Variants in LRRTM4 observed in about 807,000 individuals in gnomAD.
LRRTM4 encodes leucine-rich repeat transmembrane neuronal protein 4.
A neutral mutation model predicts 47.6 loss-of-function variants in LRRTM4; 25 were observed. The observed-to-expected ratio is 0.53, with a 90% CI of 0.38 to 0.73. LRRTM4 has a LOEUF of 0.73. Ranked by LOEUF, LRRTM4 falls within the 30% of genes least tolerant of loss-of-function variation. The pLI is 0.00. For missense variants in LRRTM4, 638 were observed against 713.4 expected, an observed-to-expected ratio of 0.89 and a Z score of 1.20; for synonymous variants, 311 against 269.5, an observed-to-expected ratio of 1.15 and a Z score of -1.51.
At chr2:76,768,946 A>C (rs1481197029) in intron 3 of LRRTM4, among the ~76,000 whole-genome samples, 1 of 152,098 alleles carries the variant, frequency 6.6e-6, no homozygotes, top group African/African-American at 2.4e-5. Flanking sequence ...GACACAAAGA[A>C]ATGTCTTTTC....
intron 3 of LRRTM4, among the ~76,000 whole-genome samples, chr2:77,105,778 T>A (rs1036395639): frequency 2.0e-5 from 3 of 152,174 alleles, no homozygotes; most frequent in Non-Finnish European, 4.4e-5. Flanking sequence ...ATAGATGAAA[T>A]AAGTTTGCCT....
intron 3 of LRRTM4, among the ~76,000 whole-genome samples, chr2:77,082,449 A>G (rs1487207319): frequency 6.6e-6 from 1 of 152,134 alleles, no homozygotes; most frequent in Non-Finnish European, 1.5e-5. Context: ...TAAATTTAGA[A>G]ACAACGTTTA....
intron 3 of LRRTM4, among the ~76,000 whole-genome samples, chr2:77,240,838 T>C (rs1449218085): frequency 6.6e-6 from 1 of 151,880 alleles, no homozygotes; most frequent in East Asian, 1.9e-4. Context: ...CCATTAATTA[T>C]TAAGGTAACA....
chr2:77,433,119 G>C (rs1475686506), intron 3 of LRRTM4, among the ~76,000 whole-genome samples: 1 of 152,154 alleles, frequency 6.6e-6, no homozygotes, highest in Non-Finnish European at 1.5e-5. Flanking sequence ...TTAGTTTTAA[G>C]AAATAGTACA....
intron 3 of LRRTM4, among the ~76,000 whole-genome samples, chr2:76,808,577 T>A (rs1454493326): frequency 6.6e-6 from 1 of 152,204 alleles, no homozygotes; most frequent in Non-Finnish European, 1.5e-5. Flanking sequence ...TAATTTATCC[T>A]ATTTTCAAAT....
At chr2:76,961,675 G>A (rs1172449875) in intron 3 of LRRTM4, among the ~76,000 whole-genome samples, 2 of 151,320 alleles carry the variant, frequency 1.3e-5, no homozygotes, top group Middle Eastern at 3.4e-3. Context: ...TTACATTAGG[G>A]CGTCACTTCA....
intron 3 of LRRTM4, among the ~76,000 whole-genome samples, chr2:77,451,475 G>A (rs1439376885): frequency 6.6e-6 from 1 of 152,156 alleles, no homozygotes; most frequent in African/African-American, 2.4e-5. Context: ...TAAATTAGAT[G>A]TGGTACACTT....
intron 3 of LRRTM4, among the ~76,000 whole-genome samples, chr2:76,861,211 A>T (rs567003996): frequency 6.6e-6 from 1 of 152,138 alleles, no homozygotes; most frequent in African/African-American, 2.4e-5. Context: ...TAATAATCCA[A>T]TGTTTTGATC....
intron 3 of LRRTM4, among the ~76,000 whole-genome samples, chr2:76,876,396 C>T (rs902305392): frequency 2.0e-5 from 3 of 152,010 alleles, no homozygotes; most frequent in Non-Finnish European, 4.4e-5. Flanking sequence ...AGTTTTAAAA[C>T]CTGGCAAATG....
At chr2:77,070,986 A>C (rs1680136424) in intron 3 of LRRTM4, among the ~76,000 whole-genome samples, 1 of 152,186 alleles carries the variant, frequency 6.6e-6, no homozygotes, top group African/African-American at 2.4e-5. Flanking sequence ...TGACATTTGA[A>C]TCCCAAGTTA....
chr2:77,013,507 A>T (rs63272962), intron 3 of LRRTM4, among the ~76,000 whole-genome samples: 12 of 33,652 alleles, frequency 3.6e-4, no homozygotes, highest in East Asian at 2.0e-3. Flanking sequence ...AAACACTGTT[A>T]AAAAAAAAAA....
intron 3 of LRRTM4, among the ~76,000 whole-genome samples, chr2:77,474,566 T>A (rs568118762): frequency 6.6e-6 from 1 of 152,074 alleles, no homozygotes; most frequent in South Asian, 2.1e-4. Flanking sequence ...TAAATTAAGA[T>A]AATAGATTGG....
At chr2:77,290,830 C>T (rs1294568636) in intron 3 of LRRTM4, among the ~76,000 whole-genome samples, 2 of 152,010 alleles carry the variant, frequency 1.3e-5, no homozygotes, top group African/African-American at 4.8e-5. Context: ...AATTTTCCAG[C>T]CATACATGAT....
chr2:77,306,897 A>ATATTTTTTTTTTTT (rs1677288566), intron 3 of LRRTM4, among the ~76,000 whole-genome samples: 3 of 112,412 alleles, frequency 2.7e-5, no homozygotes, highest in African/African-American at 1.3e-4. Flanking sequence ...GCTTTTCCAT[A>ATATTTTTTTTTTTT]TTTTTTTTTT....
chr2:76,890,709 C>G (rs1558717225), intron 3 of LRRTM4, among the ~76,000 whole-genome samples: 2 of 151,872 alleles, frequency 1.3e-5, no homozygotes, highest in East Asian at 3.9e-4. Flanking sequence ...GTATACATAT[C>G]AACAAAAAAT....
intron 3 of LRRTM4, among the ~76,000 whole-genome samples, chr2:77,352,707 A>G (rs1671830456): frequency 6.6e-6 from 1 of 152,104 alleles, no homozygotes; most frequent in East Asian, 1.9e-4. Flanking sequence ...TTTTTTTGCA[A>G]CCTGGCTTGC....
chr2:77,058,341 G>T (rs377200169), intron 3 of LRRTM4, among the ~76,000 whole-genome samples: 2 of 152,124 alleles, frequency 1.3e-5, no homozygotes, highest in Admixed American at 1.3e-4. Context: ...AACAGCTAGA[G>T]CTACCGACCA....
At chr2:77,206,082 C>A (rs573444421) in intron 3 of LRRTM4, among the ~76,000 whole-genome samples, 1 of 152,200 alleles carries the variant, frequency 6.6e-6, no homozygotes, top group South Asian at 2.1e-4. Context: ...GCTCAAGCGA[C>A]CCCAACTACC....
intron 3 of LRRTM4, among the ~76,000 whole-genome samples, chr2:76,869,704 T>C (rs989362058): frequency 3.9e-5 from 6 of 152,108 alleles, no homozygotes; most frequent in Admixed American, 6.5e-5. Context: ...GGAGGCAAAA[T>C]ACATTTACTT....
Sources: gnomAD v4.1 joint callset for allele counts (sites outside exome capture counted in the v4.1 genomes callset) on GRCh38, gnomAD v4.1.1 for gene constraint, MANE v1.5 for transcripts, NCBI Gene and HGNC (gene_info 2026-07-23, HGNC 2026-07-21) for gene names.